Variants in SERGEF observed in about 807,000 individuals in gnomAD.
SERGEF encodes secretion-regulating guanine nucleotide exchange factor.
A neutral mutation model predicts 50.0 loss-of-function variants in SERGEF; 51 were observed. The ratio of observed to expected loss-of-function variants is 1.02; its 90% CI spans 0.81 to 1.29. SERGEF has a LOEUF of 1.29. Among genes scored for constraint, SERGEF ranks in the 50% most tolerant of loss-of-function variants. SERGEF has a pLI of 0.00. For synonymous variants in SERGEF, 205 were observed against 212.4 expected, an observed-to-expected ratio of 0.97 and a Z score of 0.30; for missense variants, 521 against 557.0, an observed-to-expected ratio of 0.94 and a Z score of 0.65.
chr11:17,960,032 C>T (rs1852965335), intron 8 of SERGEF, among the ~76,000 whole-genome samples: 1 of 152,194 alleles, frequency 6.6e-6, no homozygotes, highest in Admixed American at 6.5e-5. Flanking sequence ...CTCTCCTCTC[C>T]CCCACCCAAC....
chr11:17,972,038 G>A (rs1348459059), intron 8 of SERGEF, among the ~76,000 whole-genome samples: 1 of 152,218 alleles, frequency 6.6e-6, no homozygotes, highest in African/African-American at 2.4e-5. Context: ...GCCTAAAGAG[G>A]TGACTGAGTT....
At chr11:17,892,270 C>A (rs144009570) in intron 9 of SERGEF, among the ~76,000 whole-genome samples, 3 of 152,344 alleles carry the variant, frequency 2.0e-5, no homozygotes, top group Admixed American at 6.5e-5. Context: ...TGGCTTTGGA[C>A]TCAGCCATGT....
At chr11:17,902,610 C>G (rs1020417817) in intron 9 of SERGEF, among the ~76,000 whole-genome samples, 1 of 152,134 alleles carries the variant, frequency 6.6e-6, no homozygotes, top group Non-Finnish European at 1.5e-5. Context: ...GTCAGGGGAG[C>G]AGCACATGTA....
rs1487895392 is a variant in SERGEF, at chr11:17,884,097, G to A, written c.1012-5853C>T. Among the ~76,000 whole-genome samples the A allele has an allele frequency of 6.6e-6, 1 of 152,164 alleles. No homozygotes were observed. Among genetic ancestry groups the A allele is most frequent in the Non-Finnish European group, 1.5e-5 (1 of 68,026 alleles). ...CTCTACCAGAGAGGGGTAGCCAGCC[G>A]CAGCCCAAAGGCCACCCAGGGTGCC... On this transcript the variant is annotated intron_variant, in intron 9 of 10. Coordinates refer to ENST00000265965, the MANE Select transcript of SERGEF (RefSeq NM_012139.4). The surrounding 1 kb of genome is among the most constrained non-coding windows in gnomAD (Gnocchi z 4.6).
At chr11:17,896,569 GGGGAA>G (rs1345146754) in intron 9 of SERGEF, among the ~76,000 whole-genome samples, 663 of 49,050 alleles carry the variant, frequency 0.014, 63 homozygotes, top group African/African-American at 0.054. Flanking sequence ...GGGAAGGGAA[GGGGAA>G]GGGAAGGGAA....
chr11:17,794,715 G>A (rs975726716), intron 10 of SERGEF, among the ~76,000 whole-genome samples: 7 of 152,198 alleles, frequency 4.6e-5, no homozygotes, highest in Non-Finnish European at 1.5e-5. Context: ...CGTGAACTGT[G>A]CAAGGAAACA....
At chr11:17,836,847 A>G (rs183942194) in intron 10 of SERGEF, among the ~76,000 whole-genome samples, 1 of 151,906 alleles carries the variant, frequency 6.6e-6, no homozygotes, top group Non-Finnish European at 1.5e-5. Flanking sequence ...CCATTATACC[A>G]CTCACTGAGA....
intron 10 of SERGEF, among the ~76,000 whole-genome samples, chr11:17,828,560 C>G (rs939278457): frequency 1.9e-4 from 29 of 152,304 alleles, no homozygotes; most frequent in Middle Eastern, 6.8e-3. Context: ...TTCTTCAAGG[C>G]CTTCTTTTAA....
intron 10 of SERGEF, chr11:17,854,109 A>G (rs1850769470): frequency 6.6e-6 from 1 of 152,052 alleles, no homozygotes; most frequent in Non-Finnish European, 1.5e-5. Context: ...CAGAATAGTG[A>G]CACTTACATA....
intron 9 of SERGEF, among the ~76,000 whole-genome samples, chr11:17,942,749 C>A (rs1157234172): frequency 1.3e-5 from 2 of 152,206 alleles, no homozygotes; most frequent in East Asian, 3.9e-4. Context: ...TTTATAAGTG[C>A]CCCTTATTAA....
At chr11:18,007,589 A>G (rs1240905378) in intron 2 of SERGEF, among the ~76,000 whole-genome samples, 1 of 152,214 alleles carries the variant, frequency 6.6e-6, no homozygotes. Context: ...TTTGCTCTCA[A>G]GGAATATCCA....
Position 17,904,820 on chromosome 11 carries a change from GC to G in SERGEF, c.1012-26577del, listed in dbSNP as rs1323567734. ...GACCCAAAACACAATGCAATGCAGT[GC>G]AAGACAGAAACTTCTGCTTGAGAAC... On this transcript the variant is annotated intron_variant, in intron 9 of 10. Transcript: ENST00000265965. 4.6e-5 allele frequency among the ~76,000 whole-genome samples: 7 copies of G among 152,292 alleles called. No homozygotes were observed. In the East Asian group the frequency reaches 1.4e-3, roughly 29 times the overall value.
chr11:17,987,692 G>A (rs997695162), intron 8 of SERGEF, among the ~76,000 whole-genome samples: 8 of 152,176 alleles, frequency 5.3e-5, no homozygotes, highest in Non-Finnish European at 7.3e-5. Flanking sequence ...ATAGAAATGC[G>A]TAGTATATGT....
intron 3 of SERGEF, 32 bp downstream of exon 3, chr11:18,006,559 G>A (rs766399963): frequency 1.2e-6 from 2 of 1,600,114 alleles, no homozygotes; most frequent in South Asian, 1.1e-5. Flanking sequence ...AAGCCTTTGT[G>A]GTGACAAAAA....
intron 9 of SERGEF, among the ~76,000 whole-genome samples, chr11:17,941,988 T>C (rs1484619587): frequency 2.0e-5 from 3 of 151,558 alleles, no homozygotes; most frequent in Non-Finnish European, 1.5e-5. Flanking sequence ...TGTTTGGTTT[T>C]TGTTGTTGCT....
chr11:17,963,098 C>T (rs982664206), intron 8 of SERGEF, among the ~76,000 whole-genome samples: 6 of 145,838 alleles, frequency 4.1e-5, no homozygotes, highest in Non-Finnish European at 6.0e-5. Flanking sequence ...GGGAGAATCA[C>T]TTGAACCTGG....
At chr11:17,809,739 A>C (rs1849833119) in intron 10 of SERGEF, among the ~76,000 whole-genome samples, 1 of 151,748 alleles carries the variant, frequency 6.6e-6, no homozygotes, top group African/African-American at 2.4e-5. Flanking sequence ...GTGGGTACAG[A>C]GGGGTGAGAG....
At chr11:17,989,760 C>G (rs1853674912) in intron 7 of SERGEF, among the ~76,000 whole-genome samples, 1 of 152,166 alleles carries the variant, frequency 6.6e-6, no homozygotes, top group Non-Finnish European at 1.5e-5. Context: ...CTAGCCCAAA[C>G]TGAGATACAT....
chr11:17,817,843 T>C lies in SERGEF; in HGVS notation c.1049-29430A>G, dbSNP rs142543777. On this transcript the variant is annotated intron_variant, in intron 10 of 10. Coordinates refer to ENST00000265965, the MANE Select transcript of SERGEF (RefSeq NM_012139.4). ...GCTGCACCCTTTCTCAAGCTCTCCTTGGTAAGGATGATGTTATAACCACTC... is the reference window on the plus strand; with the variant it reads ...GCTGCACCCTTTCTCAAGCTCTCCTCGGTAAGGATGATGTTATAACCACTC... 9.7e-3 allele frequency among the ~76,000 whole-genome samples: 1,478 copies of C among 152,308 alleles called. 26 individuals are homozygous for C. The highest frequency in any genetic ancestry group is 0.034 in the African/African-American group (1,401 of 41,558).
Sources: gnomAD v4.1 joint callset for allele counts (sites outside exome capture counted in the v4.1 genomes callset) on GRCh38, gnomAD v4.1.1 for gene constraint, Gnocchi (gnomAD v3.1) non-coding constraint, MANE v1.5 for transcripts, NCBI Gene and HGNC (gene_info 2026-07-23, HGNC 2026-07-21) for gene names.